The following FAM81B variants were observed in gnomAD, a reference collection of about 807,000 sequenced individuals.
FAM81B encodes the protein family with sequence similarity 81 member B, also known as protein FAM81B.
In FAM81B, 60 loss-of-function variants were observed where a neutral mutation model predicts 58.7. The observed-to-expected ratio is 1.02, with a 90% CI of 0.83 to 1.27. The LOEUF (loss-of-function observed/expected upper bound fraction) is 1.27. FAM81B is among the 50% of genes most tolerant of loss of function. The pLI is 0.00. For synonymous variants in FAM81B, 189 were observed against 179.6 expected (o/e 1.05, Z -0.42); for missense variants, 491 against 522.0 (o/e 0.94, Z 0.58).
intron 3 of FAM81B, among the ~76,000 whole-genome samples, chr5:95,408,891 T>C (rs540409130): frequency 6.6e-6 from 1 of 152,336 alleles, no homozygotes; most frequent in South Asian, 2.1e-4. Flanking sequence ...TTCTTCCCTC[T>C]TTCTGATTCT....
rs553074583 is a variant in FAM81B at position 95,448,276 on chromosome 5, C to T, written c.1037C>T (p.Ser346Phe). ...LKVLQEKLEK[S>F]ENKMEEKLLQ... Reference sequence around the variant, plus strand: ...CCATAATCTCTTTTACAGGAAAAGTCTGAAAATAAAATGGAAGAAAAACTG... The same window carrying T: ...CCATAATCTCTTTTACAGGAAAAGTTTGAAAATAAAATGGAAGAAAAACTG... The change falls in exon 9 of 10, where the codon TCT becomes TTT. Residue 346 changes from serine to phenylalanine, a missense_variant. Transcript: ENST00000283357. 1 of 1,598,854 alleles carries T rather than the reference C, an allele frequency of 6.3e-7. No homozygotes were observed. The highest frequency in any genetic ancestry group is 1.4e-5 in the African/African-American group (1 of 73,924).
At chr5:95,403,439 C>T (rs942773437) in intron 3 of FAM81B, among the ~76,000 whole-genome samples, 1 of 152,024 alleles carries the variant, frequency 6.6e-6, no homozygotes, top group African/African-American at 2.4e-5. Flanking sequence ...CTTAATGTAT[C>T]TTTATTTGAA....
rs143232367 is a variant in FAM81B at position 95,446,717 on chromosome 5, T to G, written c.1029+20T>G. ...AAACTGGTGAGGAGTTCTGTTATTTTGTGAAGCAAGCACCTGCATAGTCCT... is the reference window on the plus strand; with the variant it reads ...AAACTGGTGAGGAGTTCTGTTATTTGGTGAAGCAAGCACCTGCATAGTCCT... On this transcript the variant is annotated intron_variant, in intron 8 of 9. Coordinates refer to ENST00000283357, the MANE Select transcript of FAM81B (RefSeq NM_152548.3). 468 of 1,609,262 alleles carry G rather than the reference T, an allele frequency of 2.9e-4. 1 individual carries two copies. In the African/African-American group the frequency reaches 5.1e-3, roughly 18 times the overall value.
chr5:95,426,334 T>C (rs148796701), intron 5 of FAM81B, among the ~76,000 whole-genome samples: 41 of 152,156 alleles, frequency 2.7e-4, no homozygotes, highest in African/African-American at 9.4e-4. Context: ...GGAACTCCTT[T>C]TGGAATGTAG....
chr5:95,397,335 T>C (rs1054451154), intron 3 of FAM81B, among the ~76,000 whole-genome samples: 7 of 152,250 alleles, frequency 4.6e-5, no homozygotes, highest in Admixed American at 3.3e-4. Context: ...TTTGGACAGA[T>C]GACTTTTCTT....
At chr5:95,398,206 G>A (rs187968012) in intron 3 of FAM81B, among the ~76,000 whole-genome samples, 6 of 152,272 alleles carry the variant, frequency 3.9e-5, no homozygotes, top group Non-Finnish European at 8.8e-5. Context: ...ATCACCTGAT[G>A]TCAGGAGTTG....
intron 3 of FAM81B, among the ~76,000 whole-genome samples, chr5:95,411,987 A>G (rs932508695): frequency 2.0e-5 from 3 of 152,230 alleles, no homozygotes; most frequent in Admixed American, 6.5e-5. Context: ...AACAATGCTG[A>G]CAATTTAAGA....
intron 7 of FAM81B, among the ~76,000 whole-genome samples, chr5:95,437,647 C>T (rs1745159527): frequency 6.6e-6 from 1 of 152,162 alleles, no homozygotes; most frequent in Non-Finnish European, 1.5e-5. Context: ...TACATTATTT[C>T]TTTTTAAGAC....
intron 1 of FAM81B, 50 bp downstream of exon 1, chr5:95,391,563 T>G (rs1348215802): frequency 3.9e-6 from 6 of 1,548,988 alleles, no homozygotes; most frequent in Non-Finnish European, 5.2e-6. Context: ...TTCACTATCT[T>G]TCTTCTGTTT....
intron 4 of FAM81B, among the ~76,000 whole-genome samples, 190 bp from the exon 5 acceptor site, chr5:95,420,094 G>C (rs930924080): frequency 3.6e-5 from 5 of 138,854 alleles, no homozygotes; most frequent in African/African-American, 6.1e-5. Flanking sequence ...TAATCACCTA[G>C]AATCAAACCA....
At chr5:95,423,980 C>T (rs1762756145) in intron 5 of FAM81B, 1 of 1,282,522 alleles carries the variant, frequency 7.8e-7, no homozygotes, top group Non-Finnish European at 1.0e-6. Flanking sequence ...AGATTCAGGT[C>T]AGCAACACCA....
intron 5 of FAM81B, among the ~76,000 whole-genome samples, chr5:95,426,502 A>G (rs1582813018): frequency 6.6e-6 from 1 of 152,182 alleles, no homozygotes; most frequent in East Asian, 1.9e-4. Context: ...TCCCCGTGTC[A>G]GGCACTGGCT....
intron 7 of FAM81B, among the ~76,000 whole-genome samples, chr5:95,438,738 T>C (rs1262641589): frequency 6.6e-6 from 1 of 151,164 alleles, no homozygotes; most frequent in Non-Finnish European, 1.5e-5. Context: ...CTGACTTTTA[T>C]ATTTAAATTT....
At chr5:95,423,086 T>C (rs1030699194) in intron 5 of FAM81B, among the ~76,000 whole-genome samples, 5 of 152,206 alleles carry the variant, frequency 3.3e-5, no homozygotes, top group African/African-American at 1.2e-4. Flanking sequence ...CTAAGGCAGA[T>C]TGATTACTGT....
At position 95,430,843 on chromosome 5, in the gene FAM81B, A is replaced by T. The variant is rs576884543; in HGVS notation, c.786+2111A>T. 2.0e-5 allele frequency among the ~76,000 whole-genome samples: 3 copies of T among 152,206 alleles called. No individual in the cohort carries two copies. In the South Asian group the frequency reaches 6.2e-4, roughly 32 times the overall value. The stretch of plus-strand genomic sequence containing the variant: ...AATATGTAAAATGTCCTGTGTCTCC[A>T]TTGCCTCACCAATGCAGTATTGTTC... On this transcript the variant is annotated intron_variant, in intron 6 of 9. Coordinates refer to ENST00000283357, the MANE Select transcript of FAM81B (RefSeq NM_152548.3).
intron 3 of FAM81B, among the ~76,000 whole-genome samples, chr5:95,402,730 CT>C (rs1458839350): frequency 2.6e-5 from 4 of 152,236 alleles, no homozygotes; most frequent in African/African-American, 9.6e-5. Flanking sequence ...TGGATATAAT[CT>C]TGACATTAGC....
Position 95,446,450 on chromosome 5 carries a change from C to T in FAM81B, c.894-112C>T, listed in dbSNP as rs1745560492. 21 of 1,069,686 alleles carry T rather than the reference C, an allele frequency of 2.0e-5. No homozygotes were observed. In the South Asian group the frequency reaches 3.3e-4, roughly 17 times the overall value. The allele number at this position is 1,069,686 out of a possible 1,614,324, so 66.3% of individuals were successfully genotyped here. A position where few individuals can be genotyped will look rare whatever the true frequency, so the allele number is the denominator to read the frequency against. On this transcript the variant is annotated intron_variant, in intron 7 of 9. Transcript: ENST00000283357. ...CACCTCCCACATCACCCCACAAATA[C>T]TTGCTAGACACACTGAGTCTCGTCA...
chr5:95,396,535 A>AT (rs1761970328), intron 3 of FAM81B: 1 of 161,894 alleles, frequency 6.2e-6, no homozygotes, highest in African/African-American at 2.4e-5. Context: ...ACATTTCATG[A>AT]TAAAAACTCA....
intron 8 of FAM81B, among the ~76,000 whole-genome samples, chr5:95,446,940 G>GTT (rs764169970): frequency 4.9e-4 from 70 of 142,178 alleles, no homozygotes; most frequent in African/African-American, 1.8e-3. Context: ...ATCTGAAGAG[G>GTT]TTTTTTTTTT....
Sources: gnomAD v4.1 joint callset for allele counts (sites outside exome capture counted in the v4.1 genomes callset) on GRCh38, gnomAD v4.1.1 for gene constraint, MANE v1.5 for transcripts, NCBI Gene and HGNC (gene_info 2026-07-23, HGNC 2026-07-21) for gene names.